The following DLGAP1 variants were observed in gnomAD, a reference collection of about 807,000 sequenced individuals.
DLGAP1 encodes disks large-associated protein 1.
Under a neutral mutation model 90.8 loss-of-function variants are expected in DLGAP1, and 11 were observed. That is an observed-to-expected ratio of 0.12 (90% CI 0.08 to 0.20). The LOEUF is 0.20. Among genes scored for constraint, DLGAP1 ranks in the 10% least tolerant of loss-of-function variants. The probability of loss-of-function intolerance (pLI) is 1.00; values close to 1 mark genes in which losing one functional copy is unlikely to be tolerated. For synonymous variants in DLGAP1, 558 were observed against 540.7 expected (o/e 1.03, Z -0.44); for missense variants, 1,050 against 1,333.8 (o/e 0.79, Z 3.31).
At chr18:4,083,531 A>C (rs1489831392) in intron 2 of DLGAP1, among the ~76,000 whole-genome samples, 2 of 152,210 alleles carry the variant, frequency 1.3e-5, no homozygotes, top group Non-Finnish European at 2.9e-5. Context: ...TCAACTCTCT[A>C]ATTGGAATCA....
chr18:3,874,712 T>C, intron 4 of DLGAP1: 2 of 1,534,150 alleles, frequency 1.3e-6, no homozygotes, highest in Non-Finnish European at 1.7e-6. Context: ...TCCATGTTCC[T>C]GCTCCCAACC....
rs2062359315 is a variant in DLGAP1 at position 3,729,983 on chromosome 18, T to A, written c.1351-608A>T. On this transcript the variant is annotated intron_variant, in intron 6 of 12. Transcript: ENST00000315677. The surrounding 1 kb of genome is among the most constrained non-coding windows in gnomAD (Gnocchi z 6.2). ...GTATGGAAACATGCCCTATATTTTC[T>A]GGCAAGATACTCACGTTTTGCACAA... Among the ~76,000 whole-genome samples the A allele has an allele frequency of 6.6e-6, 1 of 152,238 alleles. No individual in the cohort carries two copies.
At chr18:3,835,079 A>G (rs2068290798) in intron 4 of DLGAP1, among the ~76,000 whole-genome samples, 1 of 152,216 alleles carries the variant, frequency 6.6e-6, no homozygotes, top group Admixed American at 6.5e-5. Flanking sequence ...GAAAATTTAC[A>G]TGTAACTGTA....
At chr18:4,180,174 G>A (rs2077182504) in intron 1 of DLGAP1, among the ~76,000 whole-genome samples, 1 of 152,100 alleles carries the variant, frequency 6.6e-6, no homozygotes, top group African/African-American at 2.4e-5. Flanking sequence ...CTTTGTAGTT[G>A]AAAGGGCTTA....
intron 2 of DLGAP1, among the ~76,000 whole-genome samples, chr18:4,056,985 A>G (rs1290799405): frequency 1.4e-5 from 2 of 145,972 alleles, no homozygotes; most frequent in African/African-American, 5.0e-5. Context: ...ATTTGCATTT[A>G]TTAGCAACTG....
intron 1 of DLGAP1, among the ~76,000 whole-genome samples, chr18:4,318,186 A>G (rs1362582734): frequency 6.6e-6 from 1 of 152,210 alleles, no homozygotes; most frequent in African/African-American, 2.4e-5. Context: ...AAGACATACC[A>G]TAATACCCAA....
intron 1 of DLGAP1, among the ~76,000 whole-genome samples, chr18:4,448,479 C>A (rs1266054806): frequency 6.6e-6 from 1 of 152,224 alleles, no homozygotes; most frequent in East Asian, 1.9e-4. Context: ...TTCATATCAT[C>A]AAAGCAGAGT....
At chr18:3,757,156 C>T (rs1322982120) in intron 5 of DLGAP1, among the ~76,000 whole-genome samples, 2 of 152,114 alleles carry the variant, frequency 1.3e-5, no homozygotes, top group Non-Finnish European at 2.9e-5. Context: ...ATGCCCGTAA[C>T]CCCAGCACTT....
intron 7 of DLGAP1, among the ~76,000 whole-genome samples, chr18:3,690,757 G>A (rs1174588248): frequency 6.6e-6 from 1 of 152,088 alleles, no homozygotes; most frequent in Non-Finnish European, 1.5e-5. Context: ...TTCATATACT[G>A]TAGTTTTTTC....
intron 1 of DLGAP1, among the ~76,000 whole-genome samples, chr18:4,298,982 G>A (rs1407357088): frequency 6.6e-6 from 1 of 151,084 alleles, no homozygotes; most frequent in African/African-American, 2.4e-5. Context: ...TCAGGAGGCT[G>A]AGGCAGGAGA....
intron 4 of DLGAP1, chr18:3,821,838 G>A: frequency 1.1e-6 from 1 of 872,296 alleles, no homozygotes; most frequent in Non-Finnish European, 1.4e-6. Flanking sequence ...AGAAATGGCT[G>A]TAATGTGTTG....
rs556929599 is a variant in DLGAP1 at position 3,932,657 on chromosome 18, A to G, written c.-72-52517T>C. ...AGTCCGGCCTGGTCTCTGTCAATCT[A>G]TCTCATAGATAAAAAACATGAACAG... On this transcript the variant is annotated intron_variant, in intron 3 of 12. Coordinates refer to ENST00000315677, the MANE Select transcript of DLGAP1 (RefSeq NM_004746.4). Among the ~76,000 whole-genome samples the G allele has an allele frequency of 1.3e-4, 20 of 152,330 alleles. 1 individual carries two copies. The South Asian group carries it at 4.1e-3, about 32-fold the overall frequency.
At chr18:4,351,473 A>C (rs2081400927) in intron 1 of DLGAP1, among the ~76,000 whole-genome samples, 1 of 152,220 alleles carries the variant, frequency 6.6e-6, no homozygotes, top group Non-Finnish European at 1.5e-5. Context: ...AAAATCTTAG[A>C]TTATTCTGAC....
At chr18:3,850,799 G>C (rs954963544) in intron 4 of DLGAP1, among the ~76,000 whole-genome samples, 1 of 152,132 alleles carries the variant, frequency 6.6e-6, no homozygotes, top group African/African-American at 2.4e-5. Context: ...TAAGCTGACT[G>C]TGCTTTATTT....
chr18:3,822,600 G>A (rs1052412030), intron 4 of DLGAP1, among the ~76,000 whole-genome samples: 4 of 152,168 alleles, frequency 2.6e-5, no homozygotes, highest in Admixed American at 1.3e-4. Flanking sequence ...TGGGTTTGAA[G>A]CTTGTTCCCA....
chr18:4,118,644 C>CTGGGGAGT (rs1338447473), intron 2 of DLGAP1, among the ~76,000 whole-genome samples: 3 of 151,838 alleles, frequency 2.0e-5, no homozygotes, highest in Non-Finnish European at 4.4e-5. Flanking sequence ...TAGCCCCAGG[C>CTGGGGAGT]TGGGGAGCTG....
intron 1 of DLGAP1, among the ~76,000 whole-genome samples, chr18:4,280,357 T>A (rs1412523526): frequency 6.6e-6 from 1 of 152,146 alleles, no homozygotes; most frequent in East Asian, 1.9e-4. Context: ...ACATAACAAA[T>A]AAAATAATCC....
At chr18:3,662,738 G>A (rs545906084) in intron 7 of DLGAP1, among the ~76,000 whole-genome samples, 1 of 152,214 alleles carries the variant, frequency 6.6e-6, no homozygotes, top group Non-Finnish European at 1.5e-5. Flanking sequence ...TCCAGCCAAG[G>A]AACTGGCAGC....
rs146367756 is a variant in DLGAP1, at chr18:4,365,303, C to T, written c.-267+89703G>A. ...TACCTTAAAAAACTGGAAGCAGAAG[C>T]GCAAACTAAACCCAAAGCCAACAGA... On this transcript the variant is annotated intron_variant, in intron 1 of 12. Transcript: ENST00000315677. 3.9e-3 allele frequency among the ~76,000 whole-genome samples: 600 copies of T among 152,174 alleles called. 4 individuals carry two copies. Among genetic ancestry groups the T allele is most frequent in the Non-Finnish European group, 6.7e-3 (455 of 67,990 alleles).
Sources: allele counts gnomAD v4.1 joint callset (sites outside exome capture counted in the v4.1 genomes callset), GRCh38; gene constraint gnomAD v4.1.1; non-coding constraint Gnocchi (gnomAD v3.1); transcripts MANE v1.5; gene names NCBI Gene and HGNC (gene_info 2026-07-23, HGNC 2026-07-21).